The following TP63 variants were observed in gnomAD, a reference collection of about 807,000 sequenced individuals.
TP63 encodes the protein tumor protein 63.
TP63 carries 17 observed loss-of-function variants against 82.8 expected under a neutral mutation model. That is an observed-to-expected ratio of 0.21 (90% CI 0.14 to 0.31). The LOEUF is 0.31. TP63 is among the 10% of genes least tolerant of loss of function. The pLI, the probability that TP63 is intolerant of heterozygous loss-of-function variation, is 1.00. For synonymous variants in TP63, 330 were observed against 321.7 expected (o/e 1.03, Z -0.28); for missense variants, 648 against 895.3 (o/e 0.72, Z 3.52).
chr3:189,865,041 G>T (rs958730114), intron 5 of TP63, among the ~76,000 whole-genome samples: 1 of 151,922 alleles, frequency 6.6e-6, no homozygotes, highest in East Asian at 1.9e-4. Flanking sequence ...AAATAAGAGG[G>T]TGCCAGGAGA....
intron 3 of TP63, among the ~76,000 whole-genome samples, chr3:189,752,416 A>T (rs530978871): frequency 6.6e-6 from 1 of 152,280 alleles, no homozygotes; most frequent in African/African-American, 2.4e-5. Context: ...TCTGGGCTCA[A>T]GCAATCCTCC....
the TP63 span, among the ~76,000 whole-genome samples, chr3:189,606,194 C>T: frequency 3.3e-5 from 5 of 152,080 alleles, no homozygotes; most frequent in Admixed American, 6.5e-5. Flanking sequence ...GATCCAAACA[C>T]CTCAAGATGA....
chr3:189,817,409 A>T (rs940762410), intron 4 of TP63, among the ~76,000 whole-genome samples: 1 of 152,156 alleles, frequency 6.6e-6, no homozygotes, highest in Admixed American at 6.5e-5. Context: ...TTGGGGTACT[A>T]ACAAGCTATA....
At chr3:189,858,227 AACCCC>A (rs1716546295) in intron 4 of TP63, among the ~76,000 whole-genome samples, 3 of 62,062 alleles carry the variant, frequency 4.8e-5, no homozygotes, top group African/African-American at 1.7e-4. Context: ...AACACGGTGA[AACCCC>A]GTCTCTACTA....
At chr3:189,853,735 C>A (rs1389365718) in intron 4 of TP63, among the ~76,000 whole-genome samples, 1 of 152,162 alleles carries the variant, frequency 6.6e-6, no homozygotes, top group Non-Finnish European at 1.5e-5. Context: ...AGAATTCTAG[C>A]ATTTTTAGGG....
At chr3:189,659,985 T>C (rs1018581222) in intron 1 of TP63, among the ~76,000 whole-genome samples, 6 of 152,114 alleles carry the variant, frequency 3.9e-5, no homozygotes, top group Admixed American at 3.9e-4. Context: ...GTGAATATTT[T>C]CTCCCATTAT....
At chr3:189,776,934 G>T (rs1255529260) in intron 3 of TP63, among the ~76,000 whole-genome samples, 1 of 152,164 alleles carries the variant, frequency 6.6e-6, no homozygotes, top group Non-Finnish European at 1.5e-5. Context: ...CAATTCACAT[G>T]AAAGGCTTCC....
chr3:189,835,915 AAATAATAAT>A (rs71711373), intron 4 of TP63, among the ~76,000 whole-genome samples: 18,759 of 136,742 alleles, frequency 0.14, 1,347 homozygotes, highest in African/African-American at 0.15. Context: ...CTCCATCTCA[AAATAATAAT>A]AATAATAATA....
chr3:189,838,550 G>A (rs971470919), intron 4 of TP63, among the ~76,000 whole-genome samples: 1 of 152,142 alleles, frequency 6.6e-6, no homozygotes, highest in African/African-American at 2.4e-5. Context: ...TGCAAGTAGA[G>A]GAAAGGGTTT....
intron 4 of TP63, among the ~76,000 whole-genome samples, chr3:189,817,772 A>G (rs1179687829): frequency 2.0e-5 from 3 of 152,034 alleles, no homozygotes; most frequent in African/African-American, 7.2e-5. Context: ...CTTCTTAAAA[A>G]ATGTTTAATT....
intron 1 of TP63, among the ~76,000 whole-genome samples, chr3:189,725,334 C>T (rs1719694142): frequency 2.0e-5 from 3 of 151,712 alleles, no homozygotes; most frequent in African/African-American, 4.8e-5. Context: ...AAAGCATAAT[C>T]GACAGAAAAT....
chr3:189,665,418 T>C (rs1168603026), intron 1 of TP63, among the ~76,000 whole-genome samples: 1 of 152,090 alleles, frequency 6.6e-6, no homozygotes, highest in East Asian at 1.9e-4. Flanking sequence ...ATAAGCTACT[T>C]TTTGTCAGGA....
intron 4 of TP63, among the ~76,000 whole-genome samples, chr3:189,815,322 A>G (rs1013602027): frequency 2.0e-5 from 3 of 152,168 alleles, no homozygotes; most frequent in Admixed American, 2.0e-4. Flanking sequence ...GTGAATAATA[A>G]TGGGCTGCTT....
intron 10 of TP63, chr3:189,881,388 C>T: frequency 1.0e-6 from 1 of 985,384 alleles, no homozygotes; most frequent in Non-Finnish European, 1.2e-6. Flanking sequence ...CACACCCAGT[C>T]ACCAGCACTG....
intron 3 of TP63, among the ~76,000 whole-genome samples, chr3:189,748,904 A>G (rs1345934320): frequency 1.1e-4 from 17 of 152,184 alleles, no homozygotes; most frequent in Admixed American, 9.2e-4. Flanking sequence ...CTGATTTTCA[A>G]CAAGGGCACA....
chr3:189,690,038 CCAAA>C (rs769475732), intron 1 of TP63, among the ~76,000 whole-genome samples: 1 of 152,092 alleles, frequency 6.6e-6, no homozygotes, highest in Non-Finnish European at 1.5e-5. Flanking sequence ...ACTGAAGGTC[CCAAA>C]CAATTAAATT....
chr3:189,674,999 A>G (rs1715266837), intron 1 of TP63, among the ~76,000 whole-genome samples: 1 of 152,126 alleles, frequency 6.6e-6, no homozygotes, highest in Non-Finnish European at 1.5e-5. Context: ...AACAAATACC[A>G]TCAACTAGTT....
intron 12 of TP63, among the ~76,000 whole-genome samples, chr3:189,890,163 G>A (rs557856561): frequency 3.3e-5 from 5 of 152,132 alleles, no homozygotes; most frequent in African/African-American, 9.7e-5. Context: ...CTACTGGAAC[G>A]ATTTGTGTTG....
At chr3:189,812,963 A>G (rs1727736386) in intron 4 of TP63, among the ~76,000 whole-genome samples, 1 of 152,158 alleles carries the variant, frequency 6.6e-6, no homozygotes, top group Non-Finnish European at 1.5e-5. Flanking sequence ...ATATGAATAG[A>G]TGGTATAGGG....
Sources: gnomAD v4.1 joint callset for allele counts (sites outside exome capture counted in the v4.1 genomes callset) on GRCh38, gnomAD v4.1.1 for gene constraint, MANE v1.5 for transcripts, NCBI Gene and HGNC (gene_info 2026-07-23, HGNC 2026-07-21) for gene names.